XKR9: variants seen among roughly 807,000 people sequenced by gnomAD.
XKR9 encodes the protein XK-related protein 9.
Under a neutral mutation model 32.0 loss-of-function variants are expected in XKR9, and 32 were observed. The observed-to-expected ratio is 1.00, with a 90% CI of 0.76 to 1.34. XKR9 has a LOEUF of 1.34. Among genes scored for constraint, XKR9 ranks in the 40% most tolerant of loss-of-function variants. The pLI, the probability that XKR9 is intolerant of heterozygous loss-of-function variation, is 0.00. For missense variants in XKR9, 546 were observed against 429.7 expected (o/e 1.27, Z -2.39); for synonymous variants, 168 against 143.4 (o/e 1.17, Z -1.22).
intron 4 of XKR9, among the ~76,000 whole-genome samples, chr8:70,723,638 G>C (rs1806356938): frequency 6.6e-6 from 1 of 152,200 alleles, no homozygotes; most frequent in Non-Finnish European, 1.5e-5. Flanking sequence ...GGTATCACCA[G>C]CGGAGGCTGC....
chr8:70,854,516 C>T, the XKR9 span, among the ~76,000 whole-genome samples: 2 of 152,140 alleles, frequency 1.3e-5, no homozygotes, highest in African/African-American at 4.8e-5. Context: ...GGCAGAAGCT[C>T]TTTATTTTAA....
chr8:70,701,359 C>T (rs372112535), intron 3 of XKR9, among the ~76,000 whole-genome samples: 84 of 152,248 alleles, frequency 5.5e-4, no homozygotes, highest in African/African-American at 2.0e-3. Flanking sequence ...CCTTGTTTTT[C>T]TTTGTTCTCT....
At chr8:70,865,499 G>T in the XKR9 span, among the ~76,000 whole-genome samples, 3 of 151,516 alleles carry the variant, frequency 2.0e-5, no homozygotes, top group Non-Finnish European at 4.4e-5. Context: ...AAATAATTTT[G>T]CAATTGTATT....
At chr8:70,831,136 C>G in the XKR9 span, among the ~76,000 whole-genome samples, 1 of 151,882 alleles carries the variant, frequency 6.6e-6, no homozygotes, top group African/African-American at 2.4e-5. Flanking sequence ...ACTAAAAATA[C>G]GAAAATTAGC....
At chr8:70,937,838 C>T in the XKR9 span, among the ~76,000 whole-genome samples, 2 of 152,070 alleles carry the variant, frequency 1.3e-5, no homozygotes, top group African/African-American at 4.8e-5. Context: ...CATTAAAGGC[C>T]TTTCCAGTGG....
chr8:71,029,555 C>T, the XKR9 span, among the ~76,000 whole-genome samples: 1 of 152,076 alleles, frequency 6.6e-6, no homozygotes, highest in Admixed American at 6.5e-5. Context: ...GGTATTAACT[C>T]TCAAATTCTT....
At chr8:70,770,898 G>A (rs1807445272) in intron 2 of XKR9, among the ~76,000 whole-genome samples, 1 of 152,160 alleles carries the variant, frequency 6.6e-6, no homozygotes, top group Non-Finnish European at 1.5e-5. Flanking sequence ...CCTGGCCTTA[G>A]CTGCCTTTCA....
At chr8:71,062,167 C>A in the XKR9 span, among the ~76,000 whole-genome samples, 2 of 152,108 alleles carry the variant, frequency 1.3e-5, no homozygotes, top group South Asian at 4.2e-4. Context: ...GCCATTTTGC[C>A]GTCACAGGAT....
chr8:70,707,175 G>T (rs771941823), intron 4 of XKR9, 22 bp downstream of exon 4: 1 of 1,592,444 alleles, frequency 6.3e-7, no homozygotes, highest in Non-Finnish European at 8.6e-7. Flanking sequence ...TTAACTCCTT[G>T]TGTTAAATGG....
chr8:71,023,391 G>T, the XKR9 span, among the ~76,000 whole-genome samples: 1 of 152,162 alleles, frequency 6.6e-6, no homozygotes, highest in Non-Finnish European at 1.5e-5. Context: ...GATTGTGTTC[G>T]TGATTTTCTC....
chr8:70,895,656 T>G, the XKR9 span, among the ~76,000 whole-genome samples: 1 of 151,940 alleles, frequency 6.6e-6, no homozygotes, highest in Non-Finnish European at 1.5e-5. Flanking sequence ...AGCTATAGAT[T>G]TTTTGCAGAT....
intron 2 of XKR9, among the ~76,000 whole-genome samples, chr8:70,675,712 G>A (rs1475596201): frequency 2.0e-5 from 3 of 152,136 alleles, no homozygotes; most frequent in African/African-American, 7.2e-5. Flanking sequence ...TTTTTGCTGA[G>A]GCATAACATG....
intron 3 of XKR9, among the ~76,000 whole-genome samples, chr8:70,698,730 T>C (rs1049233195): frequency 2.0e-5 from 3 of 152,196 alleles, no homozygotes; most frequent in African/African-American, 7.2e-5. Context: ...GTTCAATTCC[T>C]GGGTATCCTC....
intron 3 of XKR9, among the ~76,000 whole-genome samples, chr8:70,705,672 T>C (rs1348696584): frequency 6.6e-6 from 1 of 152,152 alleles, no homozygotes; most frequent in Non-Finnish European, 1.5e-5. Context: ...TTGTAACATA[T>C]GATAAGGACT....
chr8:70,794,324 C>T (rs1171429101), downstream of XKR9, among the ~76,000 whole-genome samples: 1 of 152,030 alleles, frequency 6.6e-6, no homozygotes, highest in African/African-American at 2.4e-5. Flanking sequence ...CCTTCCCTCT[C>T]AATCTGGATC....
chr8:70,914,129 A>T, the XKR9 span, among the ~76,000 whole-genome samples: 1 of 152,148 alleles, frequency 6.6e-6, no homozygotes, highest in Non-Finnish European at 1.5e-5. Context: ...CAGTGGCATG[A>T]TCATAGCTCA....
intron 3 of XKR9, among the ~76,000 whole-genome samples, chr8:70,698,601 C>T (rs1464687395): frequency 6.6e-6 from 1 of 152,036 alleles, no homozygotes; most frequent in African/African-American, 2.4e-5. Context: ...AGCTTTACTT[C>T]CAAGTATGTG....
chr8:70,790,760 C>T (rs1807753911), downstream of XKR9, among the ~76,000 whole-genome samples: 1 of 152,032 alleles, frequency 6.6e-6, no homozygotes. Flanking sequence ...TGTCTTAGTA[C>T]TTTTGGATTC....
At chr8:70,753,049 T>C (rs1807165174) in intron 2 of XKR9, among the ~76,000 whole-genome samples, 1 of 151,286 alleles carries the variant, frequency 6.6e-6, no homozygotes, top group African/African-American at 2.4e-5. Flanking sequence ...GAGAGAAGAA[T>C]CAAATAGACG....
Sources: gnomAD v4.1 joint callset for allele counts (sites outside exome capture counted in the v4.1 genomes callset) on GRCh38, gnomAD v4.1.1 for gene constraint, MANE v1.5 for transcripts, NCBI Gene and HGNC (gene_info 2026-07-23, HGNC 2026-07-21) for gene names.